LRRC37B: variants seen among roughly 807,000 people sequenced by gnomAD.
LRRC37B encodes leucine rich repeat containing 37B, also known as leucine-rich repeat-containing protein 37B.
Under a neutral mutation model 98.3 loss-of-function variants are expected in LRRC37B, and 28 were observed. That is an observed-to-expected ratio of 0.28 (90% CI 0.21 to 0.39). The LOEUF is 0.39. Ranked by LOEUF, LRRC37B falls within the 10% of genes least tolerant of loss-of-function variation. The pLI, the probability that LRRC37B is intolerant of heterozygous loss-of-function variation, is 1.00. For synonymous variants in LRRC37B, 364 were observed against 442.7 expected, an observed-to-expected ratio of 0.82 and a Z score of 2.23; for missense variants, 938 against 1,182.7, an observed-to-expected ratio of 0.79 and a Z score of 3.03.
chr17:32,039,346 A>G (rs574780530), intron 7 of LRRC37B, among the ~76,000 whole-genome samples: 1 of 149,584 alleles, frequency 6.7e-6, no homozygotes, highest in Admixed American at 6.7e-5. Context: ...GTGTGATGGC[A>G]CACTCCTGTA....
intron 5 of LRRC37B, among the ~76,000 whole-genome samples, chr17:32,033,089 A>G (rs1598208080): frequency 6.6e-6 from 1 of 152,254 alleles, no homozygotes; most frequent in Non-Finnish European, 1.5e-5. Context: ...ACTTGAACCC[A>G]GGAGGCGGAG....
chr17:32,041,796 C>A (rs979309619), intron 7 of LRRC37B: 5 of 458,796 alleles, frequency 1.1e-5, no homozygotes, highest in Admixed American at 9.4e-5. Flanking sequence ...CTCCCTGCTC[C>A]CCAACTCCTC....
chr17:32,012,352 C>T (rs1910542370), intron 1 of LRRC37B, among the ~76,000 whole-genome samples: 1 of 152,152 alleles, frequency 6.6e-6, no homozygotes, highest in African/African-American at 2.4e-5. Flanking sequence ...CAGTTTTGTC[C>T]TCTTGATGAT....
chr17:32,020,993 C>G, upstream of LRRC37B: 1 of 1,516,246 alleles, frequency 6.6e-7, no homozygotes, highest in Non-Finnish European at 8.8e-7. Flanking sequence ...TAAGGTTGCC[C>G]TGGTAACATG....
At chr17:32,039,556 ATTCTATATATATAT>A (rs1911363640) in intron 7 of LRRC37B, among the ~76,000 whole-genome samples, 2 of 115,760 alleles carry the variant, frequency 1.7e-5, no homozygotes, top group African/African-American at 4.0e-5. Flanking sequence ...CTATATATAT[ATTCTATATATATAT>A]TTCTATATAT....
intron 10 of LRRC37B, 34 bp from the exon 14 acceptor site, chr17:32,049,969 T>C: frequency 7.7e-7 from 1 of 1,291,592 alleles, no homozygotes; most frequent in South Asian, 1.4e-5. Flanking sequence ...TTTTAATTGT[T>C]CTTTCTTTTT....
chr17:32,022,094 T>G (rs1168112309), exon 1 of LRRC37B: 1 of 1,612,760 alleles, frequency 6.2e-7, no homozygotes, highest in Admixed American at 1.7e-5. Context: ...AGAGTCTAGC[T>G]CAAACTCCAC....
intron 7 of LRRC37B, chr17:32,035,921 C>T (rs781340314): frequency 1.0e-5 from 3 of 294,476 alleles, no homozygotes; most frequent in Non-Finnish European, 1.9e-5. Context: ...ATTTCTGTTC[C>T]TAGTTTTGTC....
chr17:32,038,203 T>TA (rs2142254061), intron 7 of LRRC37B, among the ~76,000 whole-genome samples: 1 of 152,234 alleles, frequency 6.6e-6, no homozygotes, highest in African/African-American at 2.4e-5. Context: ...CTCATGCCTA[T>TA]AATCCCAGCA....
chr17:32,021,146 CA>C lies in LRRC37B; in HGVS notation c.82del (p.Met28CysfsTer21). The C allele has an allele frequency of 6.2e-7, 1 of 1,614,040 alleles. No homozygotes were observed. Among genetic ancestry groups the C allele is most frequent in the Non-Finnish European group, 8.5e-7 (1 of 1,180,044 alleles). ...CTGAGTGCATAGCACCAGCGTGTGT[CA>C]TGTCTTGGCTGCGTTTCTGGGGCCC... On this transcript the variant is annotated frameshift_variant, in exon 1 of 12. Transcript: ENST00000327564. LOFTEE classifies it high-confidence loss of function.
chr17:32,046,041 C>T (rs540241444), intron 8 of LRRC37B, among the ~76,000 whole-genome samples: 207 of 152,244 alleles, frequency 1.4e-3, no homozygotes, highest in African/African-American at 4.7e-3. Context: ...GCATAAAGGA[C>T]CAAGAGAAAG....
At chr17:32,012,301 C>G (rs1427649422) in intron 1 of LRRC37B, among the ~76,000 whole-genome samples, 3 of 152,208 alleles carry the variant, frequency 2.0e-5, no homozygotes, top group African/African-American at 7.2e-5. Flanking sequence ...GTTTATGCGT[C>G]CTGTATTTTG....
chr17:32,007,462 C>T (rs1370368727), upstream of LRRC37B, among the ~76,000 whole-genome samples: 3 of 152,158 alleles, frequency 2.0e-5, no homozygotes, highest in Admixed American at 6.5e-5. This position sits in a 1 kb window ranked among gnomAD's most constrained non-coding sequence, Gnocchi z 4.1. Flanking sequence ...TCGGTTGAGC[C>T]TTCTCCCTCC....
chr17:32,026,253 G>C (rs542021461), intron 2 of LRRC37B, among the ~76,000 whole-genome samples: 8 of 152,092 alleles, frequency 5.3e-5, no homozygotes, highest in Non-Finnish European at 1.0e-4. Flanking sequence ...AGTGGCTCAC[G>C]CCTGTAACCC....
chr17:32,027,191 AAG>A (rs1910978833), intron 2 of LRRC37B, among the ~76,000 whole-genome samples: 1 of 152,078 alleles, frequency 6.6e-6, no homozygotes, highest in Non-Finnish European at 1.5e-5. Flanking sequence ...GGTTTGGGAG[AAG>A]AGAGGAGGAA....
rs183437875 is a variant in LRRC37B at position 32,035,299 on chromosome 17, A to G, written c.2130-266A>G. On this transcript the variant is annotated intron_variant, in intron 6 of 11. Transcript: ENST00000327564. ...AAAAGAAAGAAAAGAGTAAATCAAGATGGGTGAATGCAATATGAAATGAGA... is the reference window on the plus strand; with the variant it reads ...AAAAGAAAGAAAAGAGTAAATCAAGGTGGGTGAATGCAATATGAAATGAGA... Among the ~76,000 whole-genome samples the G allele has an allele frequency of 3.3e-3, 500 of 152,260 alleles. 2 individuals carry two copies. The highest frequency in any genetic ancestry group is 5.2e-3 in the Admixed American group (79 of 15,296).
rs2142244324 is a variant in LRRC37B at position 32,025,574 on chromosome 17, A to G, written c.1832+792A>G. ...TCTTGCAACTTGATTCTTTCACTTC[A>G]TGGTATCACTTATATGATATTCTTT... On this transcript the variant is annotated intron_variant, in intron 2 of 11. Coordinates refer to ENST00000327564, the Ensembl canonical transcript of LRRC37B. Among the ~76,000 whole-genome samples, 2 of 152,128 alleles carry G rather than the reference A, an allele frequency of 1.3e-5. 1 individual carries two copies. Among genetic ancestry groups the G allele is most frequent in the South Asian group, 4.2e-4 (2 of 4,818 alleles).
At chr17:32,027,261 G>A (rs1910981159) in intron 2 of LRRC37B, among the ~76,000 whole-genome samples, 1 of 152,152 alleles carries the variant, frequency 6.6e-6, no homozygotes, top group African/African-American at 2.4e-5. Flanking sequence ...GGTATATTAT[G>A]ATCTAGAGAG....
chr17:32,048,004 T>C (rs1334485044), intron 9 of LRRC37B, 103 bp downstream of exon 12: 2 of 1,587,142 alleles, frequency 1.3e-6, no homozygotes, highest in Non-Finnish European at 1.7e-6. Flanking sequence ...TCAATATTGT[T>C]ACCGTTCACT....
Sources: allele counts gnomAD v4.1 joint callset (sites outside exome capture counted in the v4.1 genomes callset), GRCh38; gene constraint gnomAD v4.1.1; non-coding constraint Gnocchi (gnomAD v3.1); transcripts MANE v1.5; gene names NCBI Gene and HGNC (gene_info 2026-07-23, HGNC 2026-07-21).